The following RBM33 variants were observed in gnomAD, a reference collection of about 807,000 sequenced individuals.
RBM33 encodes RNA-binding protein 33.
Under a neutral mutation model 132.6 loss-of-function variants are expected in RBM33, and 28 were observed. The observed-to-expected ratio is 0.21, with a 90% CI of 0.16 to 0.29. RBM33 has a LOEUF of 0.29. Among genes scored for constraint, RBM33 ranks in the 10% least tolerant of loss-of-function variants. The pLI is 1.00. For missense variants in RBM33, 1,291 were observed against 1,518.5 expected (o/e 0.85, Z 2.49); for synonymous variants, 634 against 593.0 (o/e 1.07, Z -1.01).
chr7:155,665,051 T>A (rs1798763882), intron 1 of RBM33, 124 bp from the exon 2 acceptor site: 1 of 689,366 alleles, frequency 1.5e-6, no homozygotes, highest in African/African-American at 1.8e-5. Context: ...TAGTTACATA[T>A]GAAACTTTTG....
At chr7:155,737,748 G>GA (rs1430656123) in intron 10 of RBM33, 86 bp downstream of exon 10, 1 of 1,374,318 alleles carries the variant, frequency 7.3e-7, no homozygotes, top group Admixed American at 3.1e-5. Flanking sequence ...AAACTGAATT[G>GA]AACTCCCAGT....
intron 9 of RBM33, among the ~76,000 whole-genome samples, chr7:155,729,791 G>A (rs1417947530): frequency 6.6e-6 from 1 of 151,362 alleles, no homozygotes; most frequent in African/African-American, 2.4e-5. Context: ...ACTCAGTTCT[G>A]TTAATTTTTC....
At position 155,673,768 on chromosome 7, in the gene RBM33, G is replaced by GCGCGCGCACA. The variant is rs1554469952; in HGVS notation, c.171+854_171+855insGCGCGCACAC. Reference sequence around the variant, plus strand: ...CACGTGTATATACGCGCGCATGCGCGCACACACACACACACACACACACAC... The same window carrying GCGCGCGCACA: ...CACGTGTATATACGCGCGCATGCGCGCGCGCGCACACACACACACACACACACACACACAC... On this transcript the variant is annotated intron_variant, in intron 3 of 17. Transcript: ENST00000401878. Among the ~76,000 whole-genome samples the GCGCGCGCACA allele has an allele frequency of 8.3e-5, 11 of 132,980 alleles. 1 individual carries two copies. Among genetic ancestry groups the GCGCGCGCACA allele is most frequent in the African/African-American group, 3.6e-4 (11 of 30,892 alleles). 87.2% of individuals were successfully genotyped at this position (132,980 alleles called of 152,430 possible).
chr7:155,668,572 G>A (rs1178306041), intron 2 of RBM33, among the ~76,000 whole-genome samples: 7 of 152,160 alleles, frequency 4.6e-5, no homozygotes, highest in African/African-American at 1.7e-4. Flanking sequence ...TGAACTTTGC[G>A]TGGTGATACC....
chr7:155,730,322 T>C (rs2117011495), intron 9 of RBM33, among the ~76,000 whole-genome samples: 1 of 152,318 alleles, frequency 6.6e-6, no homozygotes, highest in African/African-American at 2.4e-5. Flanking sequence ...ACTGATTTGG[T>C]TTTTACCATA....
intron 4 of RBM33, 29 bp from the exon 5 acceptor site, chr7:155,680,561 C>CTTTTTTTTTTTTTT (rs147986860): frequency 2.7e-6 from 3 of 1,097,520 alleles, no homozygotes; most frequent in Non-Finnish European, 3.7e-6. Flanking sequence ...TCATTGGGTG[C>CTTTTTTTTTTTTTT]TTTTTTTTTT....
chr7:155,753,727 A>G (rs1186000078), intron 14 of RBM33, among the ~76,000 whole-genome samples: 1 of 152,236 alleles, frequency 6.6e-6, no homozygotes, highest in Non-Finnish European at 1.5e-5. Flanking sequence ...GGTGGGGGCC[A>G]CGAGAGATGC....
chr7:155,716,129 C>T (rs1009442187), intron 8 of RBM33, among the ~76,000 whole-genome samples: 1 of 152,120 alleles, frequency 6.6e-6, no homozygotes, highest in Admixed American at 6.5e-5. Flanking sequence ...TAACATCACA[C>T]CTGTTAAATT....
At chr7:155,707,475 G>A in intron 7 of RBM33, 1 of 338,922 alleles carries the variant, frequency 3.0e-6, no homozygotes, top group South Asian at 2.4e-5. Context: ...CCTTTTTACT[G>A]TTTACCATAG....
chr7:155,770,465 G>C (rs1360636934), intron 16 of RBM33, among the ~76,000 whole-genome samples: 1 of 152,180 alleles, frequency 6.6e-6, no homozygotes, highest in Non-Finnish European at 1.5e-5. Flanking sequence ...TCCTGCCAGG[G>C]AGTGCCTCCC....
chr7:155,727,248 T>A (rs1585494649), intron 9 of RBM33, among the ~76,000 whole-genome samples: 1 of 152,128 alleles, frequency 6.6e-6, no homozygotes, highest in African/African-American at 2.4e-5. Flanking sequence ...CCAGCTGAGG[T>A]ATCCCCCAGG....
chr7:155,648,140 G>C (rs1361024939), intron 1 of RBM33, among the ~76,000 whole-genome samples: 1 of 152,142 alleles, frequency 6.6e-6, no homozygotes, highest in African/African-American at 2.4e-5. Flanking sequence ...AACACATCCA[G>C]TAGTAGAATA....
chr7:155,692,432 T>C lies in RBM33; in HGVS notation c.568-8341T>C, dbSNP rs537681373. Among the ~76,000 whole-genome samples the C allele has an allele frequency of 2.0e-5, 3 of 152,336 alleles. No individual in the cohort carries two copies. The East Asian group carries it at 5.8e-4, about 29-fold the overall frequency. The stretch of plus-strand genomic sequence containing the variant: ...AGAGGATTCTGGTGTAGCAGACAGC[T>C]ACAGATGCAGTGTCTTCCTCTGGAG... On this transcript the variant is annotated intron_variant, in intron 5 of 17. Transcript: ENST00000401878.
rs905634270 is a variant in RBM33, at chr7:155,737,532, C to T, written c.1263C>T (p.Gly421=). 38 of 1,593,850 alleles carry T rather than the reference C, an allele frequency of 2.4e-5. No homozygotes were observed. The highest frequency in any genetic ancestry group is 2.8e-5 in the Non-Finnish European group (33 of 1,173,596). The change falls in exon 10 of 18, where the codon GGC becomes GGT. Residue 421 remains glycine, a splice_region_variant and synonymous_variant. Transcript: ENST00000401878. ...CTGTTGTTGTTGTTGTTCTTTAGGG[C>T]CCTCCAGAATTTCCACAGCATACAC... ...RPAVGPQRFP[G]PPEFPQHTPG...
chr7:155,709,059 G>A (rs1011205216), intron 7 of RBM33, among the ~76,000 whole-genome samples: 2 of 151,612 alleles, frequency 1.3e-5, no homozygotes, highest in African/African-American at 4.9e-5. Context: ...TCTTTGTCTT[G>A]AGCAGCTCTT....
At chr7:155,645,138 C>T (rs1468037784) in intron 1 of RBM33, 11 of 460,366 alleles carry the variant, frequency 2.4e-5, no homozygotes, top group Non-Finnish European at 3.9e-6. Flanking sequence ...TACCTGTGAA[C>T]TTCTGTGTGT....
At chr7:155,681,632 G>A (rs746682226) in intron 5 of RBM33, among the ~76,000 whole-genome samples, 1 of 152,112 alleles carries the variant, frequency 6.6e-6, no homozygotes, top group African/African-American at 2.4e-5. Flanking sequence ...CTCAGTAGCT[G>A]TAGTAGAATC....
intron 1 of RBM33, among the ~76,000 whole-genome samples, chr7:155,647,414 A>G (rs925044199): frequency 5.9e-5 from 9 of 152,138 alleles, no homozygotes; most frequent in South Asian, 4.1e-4. Flanking sequence ...CAAAGTGTCT[A>G]TAGGAGTGTT....
chr7:155,730,636 G>A (rs1800929339), intron 9 of RBM33, among the ~76,000 whole-genome samples: 1 of 152,202 alleles, frequency 6.6e-6, no homozygotes, highest in South Asian at 2.1e-4. Context: ...GATGATGGGT[G>A]CTGCTTCTCA....
Sources: allele counts gnomAD v4.1 joint callset (sites outside exome capture counted in the v4.1 genomes callset), GRCh38; gene constraint gnomAD v4.1.1; transcripts MANE v1.5; gene names NCBI Gene and HGNC (gene_info 2026-07-23, HGNC 2026-07-21).